The following C5orf63 variants were observed in gnomAD, a reference collection of about 807,000 sequenced individuals.
C5orf63 encodes glutaredoxin-like protein C5orf63.
In C5orf63, 18 loss-of-function variants were observed where a neutral mutation model predicts 13.3. That is an observed-to-expected ratio of 1.36 (90% CI 0.94 to 2.01). The LOEUF (loss-of-function observed/expected upper bound fraction) is 2.01, where lower values mean the gene tolerates loss of function less well. Ranked by LOEUF, C5orf63 falls within the 30% of genes most tolerant of loss-of-function variation. C5orf63 has a pLI of 0.00. For synonymous variants in C5orf63, 38 were observed against 44.7 expected (o/e 0.85, Z 0.60); for missense variants, 118 against 127.7 (o/e 0.92, Z 0.36).
chr5:127,047,355 A>G (rs1424327428), downstream of C5orf63: 1 of 201,708 alleles, frequency 5.0e-6, no homozygotes, highest in Non-Finnish European at 9.9e-6. Flanking sequence ...CATCACATGA[A>G]AATCACAGTA....
At chr5:127,068,005 T>G (rs1299339618) in intron 2 of C5orf63, among the ~76,000 whole-genome samples, 1 of 152,036 alleles carries the variant, frequency 6.6e-6, no homozygotes, top group Non-Finnish European at 1.5e-5. Context: ...AAATTCAGCA[T>G]GTTTGACTTC....
At chr5:127,061,285 T>C (rs116290289) in intron 2 of C5orf63, among the ~76,000 whole-genome samples, 170 of 152,294 alleles carry the variant, frequency 1.1e-3, no homozygotes, top group African/African-American at 3.8e-3. Flanking sequence ...CAGTGTGAGA[T>C]TAGCCTTAAA....
downstream of C5orf63, among the ~76,000 whole-genome samples, chr5:127,048,246 GACACACACACAC>G (rs71822352): frequency 4.2e-4 from 57 of 134,776 alleles, 1 homozygote; most frequent in African/African-American, 1.3e-3. Flanking sequence ...GGTCCATGAG[GACACACACACAC>G]ACACACACAC....
intron 1 of C5orf63, chr5:127,072,962 G>A (rs1425076708): frequency 6.6e-6 from 1 of 152,146 alleles, no homozygotes; most frequent in Non-Finnish European, 1.5e-5. Flanking sequence ...AGAGAGCCCC[G>A]GCACTCACAA....
downstream of C5orf63, among the ~76,000 whole-genome samples, chr5:127,048,977 C>T (rs1436329363): frequency 6.6e-6 from 1 of 152,130 alleles, no homozygotes; most frequent in Non-Finnish European, 1.5e-5. Flanking sequence ...CTGGAGAAGG[C>T]AGGAATGAAC....
chr5:127,047,594 T>C (rs1753545372), downstream of C5orf63: 2 of 638,538 alleles, frequency 3.1e-6, no homozygotes, highest in Non-Finnish European at 5.6e-6. Context: ...ATGTAACCAA[T>C]ACTCTAAATA....
chr5:127,063,201 G>C (rs1014026887), intron 2 of C5orf63, among the ~76,000 whole-genome samples: 2 of 152,168 alleles, frequency 1.3e-5, no homozygotes, highest in African/African-American at 4.8e-5. Flanking sequence ...CTTTATGGCA[G>C]AGTCAAATAC....
At chr5:127,065,998 T>C (rs922069741) in intron 2 of C5orf63, among the ~76,000 whole-genome samples, 1 of 152,124 alleles carries the variant, frequency 6.6e-6, no homozygotes, top group Non-Finnish European at 1.5e-5. Context: ...GGAGAGATAA[T>C]AGCAGAGTGA....
At chr5:127,061,905 A>T (rs1488071160) in intron 2 of C5orf63, among the ~76,000 whole-genome samples, 1 of 152,222 alleles carries the variant, frequency 6.6e-6, no homozygotes, top group Non-Finnish European at 1.5e-5. Context: ...CCTGGAAATG[A>T]GGAGGATTAG....
At chr5:127,067,391 T>C (rs919771115) in intron 2 of C5orf63, among the ~76,000 whole-genome samples, 1 of 152,142 alleles carries the variant, frequency 6.6e-6, no homozygotes, top group Non-Finnish European at 1.5e-5. Context: ...GTCTCAGAAA[T>C]GCGGAATTGC....
At chr5:127,067,316 A>G (rs1343639123) in intron 2 of C5orf63, among the ~76,000 whole-genome samples, 1 of 152,236 alleles carries the variant, frequency 6.6e-6, no homozygotes, top group Non-Finnish European at 1.5e-5. Flanking sequence ...AATAATAATG[A>G]TTCTATTGAC....
At chr5:127,064,184 C>T (rs192890107) in intron 2 of C5orf63, among the ~76,000 whole-genome samples, 13 of 152,170 alleles carry the variant, frequency 8.5e-5, no homozygotes, top group South Asian at 6.2e-4. Flanking sequence ...AGAAGAGGTG[C>T]CATATAGGGA....
chr5:127,066,827 A>G (rs950106907), intron 2 of C5orf63, among the ~76,000 whole-genome samples: 1 of 152,166 alleles, frequency 6.6e-6, no homozygotes, highest in Non-Finnish European at 1.5e-5. Flanking sequence ...CAACATTTAG[A>G]GGTTGGATCA....
At chr5:127,063,517 C>T (rs148420260) in intron 2 of C5orf63, among the ~76,000 whole-genome samples, 23 of 152,206 alleles carry the variant, frequency 1.5e-4, no homozygotes, top group African/African-American at 3.6e-4. Flanking sequence ...TGCCCTTCAC[C>T]GACCAGAATT....
intron 3 of C5orf63, among the ~76,000 whole-genome samples, chr5:127,054,073 A>G (rs1753787167): frequency 6.6e-6 from 1 of 152,200 alleles, no homozygotes; most frequent in African/African-American, 2.4e-5. Context: ...TTAAAAGCAA[A>G]AAAACCCAAG....
chr5:127,050,145 G>A (rs1753622131), downstream of C5orf63, among the ~76,000 whole-genome samples: 2 of 152,150 alleles, frequency 1.3e-5, no homozygotes, highest in South Asian at 4.2e-4. Flanking sequence ...TTTCCCTTTT[G>A]CCATATAATG....
intron 2 of C5orf63, among the ~76,000 whole-genome samples, chr5:127,065,722 G>GA (rs898518795): frequency 2.0e-5 from 3 of 152,162 alleles, no homozygotes; most frequent in African/African-American, 7.2e-5. Flanking sequence ...TCAGTGTTTT[G>GA]AAAGATTAAT....
At chr5:127,050,414 C>T (rs1449784691), downstream of C5orf63, among the ~76,000 whole-genome samples, 2 of 151,890 alleles carry the variant, frequency 1.3e-5, no homozygotes, top group African/African-American at 4.8e-5. Context: ...CTTCTGGGCT[C>T]TTCTGCCTCA....
At chr5:127,068,144 T>C (rs1442572110) in intron 2 of C5orf63, among the ~76,000 whole-genome samples, 1 of 152,156 alleles carries the variant, frequency 6.6e-6, no homozygotes, top group Non-Finnish European at 1.5e-5. Flanking sequence ...CATTCTCTCA[T>C]TTTAGAAACC....
Sources: allele counts gnomAD v4.1 joint callset (sites outside exome capture counted in the v4.1 genomes callset), GRCh38; gene constraint gnomAD v4.1.1; transcripts MANE v1.5; gene names NCBI Gene and HGNC (gene_info 2026-07-23, HGNC 2026-07-21).